EYS: variants seen among roughly 807,000 people sequenced by gnomAD.
EYS encodes the protein EGF-like photoreceptor maintenance factor.
EYS carries 250 observed loss-of-function variants against 282.1 expected under a neutral mutation model. The ratio of observed to expected loss-of-function variants is 0.89; its 90% CI spans 0.80 to 0.98. The LOEUF is 0.98. EYS is among the 50% of genes least tolerant of loss of function. The pLI, the probability that EYS is intolerant of heterozygous loss-of-function variation, is 0.00. For synonymous variants in EYS, 1,355 were observed against 1,282.9 expected, an observed-to-expected ratio of 1.06 and a Z score of -1.20; for missense variants, 4,016 against 3,709.0, an observed-to-expected ratio of 1.08 and a Z score of -2.15.
At chr6:63,911,462 A>T (rs1365681066) in intron 35 of EYS, among the ~76,000 whole-genome samples, 2 of 152,170 alleles carry the variant, frequency 1.3e-5, no homozygotes, top group African/African-American at 4.8e-5. Flanking sequence ...CCAAGAACAG[A>T]TTGGTTCTGT....
In EYS at chr6:65,494,845, C is replaced by G; in HGVS notation, c.566G>C (p.Cys189Ser). 6.2e-7 allele frequency: 1 copy of G among 1,614,130 alleles called. No homozygotes were observed. The highest frequency in any genetic ancestry group is 8.5e-7 in the Non-Finnish European group (1 of 1,180,012). ...SSEFCSGHGK[C>S]LSEAWSKTYS... Reference sequence around the variant, plus strand: ...TGTCTTGCTCCAAGCTTCACTAAGACATTTACCATGACCAGAGCAAAATTC... The same window carrying G: ...TGTCTTGCTCCAAGCTTCACTAAGAGATTTACCATGACCAGAGCAAAATTC... The change falls in exon 4 of 43, where the codon TGT (cysteine) becomes TCT (serine). Residue 189 changes from cysteine (C) to serine (S), a missense_variant. Physicochemically the swap from Cys to Ser is moderately radical, Grantham distance 112. Transcript: ENST00000503581.
chr6:65,483,107 A>G (rs1358611637), intron 5 of EYS, among the ~76,000 whole-genome samples: 1 of 152,140 alleles, frequency 6.6e-6, no homozygotes. Context: ...ATTACAATTA[A>G]GAATACATTT....
intron 2 of EYS, among the ~76,000 whole-genome samples, chr6:65,593,241 A>G (rs1249468613): frequency 1.3e-5 from 2 of 152,056 alleles, no homozygotes; most frequent in East Asian, 3.9e-4. Context: ...AGCTATCTTT[A>G]CATAGTTGAG....
At chr6:65,364,622 C>T (rs1214830609) in intron 8 of EYS, among the ~76,000 whole-genome samples, 1 of 151,414 alleles carries the variant, frequency 6.6e-6, no homozygotes, top group African/African-American at 2.4e-5. Flanking sequence ...TTTCTTATAT[C>T]TACCTTTTAT....
At chr6:64,998,790 A>C (rs1405986403) in intron 13 of EYS, among the ~76,000 whole-genome samples, 2 of 152,200 alleles carry the variant, frequency 1.3e-5, no homozygotes, top group African/African-American at 4.8e-5. Context: ...TTTTTATTTT[A>C]ACATATTAAA....
intron 5 of EYS, among the ~76,000 whole-genome samples, chr6:65,448,226 A>G (rs1398411888): frequency 6.6e-6 from 1 of 152,048 alleles, no homozygotes; most frequent in Non-Finnish European, 1.5e-5. Context: ...AGGAATTGTA[A>G]TCTCACACAT....
intron 36 of EYS, among the ~76,000 whole-genome samples, chr6:63,826,799 G>A (rs1475033628): frequency 2.1e-5 from 2 of 95,292 alleles, no homozygotes; most frequent in African/African-American, 4.1e-5. Context: ...CCTCTTTAAA[G>A]CATAAATCAC....
At position 65,083,512 on chromosome 6, in the gene EYS, T is replaced by A. The variant is rs541172836; in HGVS notation, c.2024-25785A>T. Among the ~76,000 whole-genome samples, 8 of 152,136 alleles carry A rather than the reference T, an allele frequency of 5.3e-5. No individual in the cohort carries two copies. The East Asian group carries it at 1.5e-3, about 29-fold the overall frequency. On this transcript the variant is annotated intron_variant, in intron 12 of 42. Coordinates refer to ENST00000503581, the MANE Select transcript of EYS (RefSeq NM_001142800.2). Reference sequence around the variant, plus strand: ...CAGCATATTTGTTTTGTTTCCTAGATAAATTGATTTATATTCAATGATTTG... The same window carrying A: ...CAGCATATTTGTTTTGTTTCCTAGAAAAATTGATTTATATTCAATGATTTG...
intron 35 of EYS, among the ~76,000 whole-genome samples, chr6:63,909,074 G>A (rs137919571): frequency 6.6e-5 from 10 of 152,250 alleles, no homozygotes; most frequent in African/African-American, 2.2e-4. Flanking sequence ...AGGCTGAAAA[G>A]GCCCATAGAG....
chr6:64,600,685 A>T (rs1469056804), intron 24 of EYS, among the ~76,000 whole-genome samples: 5 of 151,970 alleles, frequency 3.3e-5, no homozygotes, highest in African/African-American at 1.2e-4. Context: ...TAGGAAGGGG[A>T]CTATGTTACA....
At chr6:63,813,240 A>G (rs1052457145) in intron 36 of EYS, among the ~76,000 whole-genome samples, 2 of 152,298 alleles carry the variant, frequency 1.3e-5, no homozygotes, top group South Asian at 2.1e-4. Flanking sequence ...TTGGCCTCCC[A>G]AAGTGCTGGG....
intron 19 of EYS, among the ~76,000 whole-genome samples, chr6:64,860,179 A>G (rs1051554420): frequency 2.6e-5 from 4 of 152,160 alleles, no homozygotes; most frequent in Non-Finnish European, 5.9e-5. Context: ...TAGAGTTTGC[A>G]GTATGTATTT....
chr6:64,563,914 A>G (rs1407003270), intron 26 of EYS, among the ~76,000 whole-genome samples: 1 of 151,916 alleles, frequency 6.6e-6, no homozygotes, highest in Non-Finnish European at 1.5e-5. Flanking sequence ...AAAATTTATA[A>G]TTTTCTATTT....
At chr6:64,439,760 G>A (rs903919828) in intron 26 of EYS, among the ~76,000 whole-genome samples, 2 of 151,712 alleles carry the variant, frequency 1.3e-5, no homozygotes, top group Non-Finnish European at 3.0e-5. Context: ...ATTATTGAGA[G>A]GCATAGAAAT....
intron 22 of EYS, among the ~76,000 whole-genome samples, chr6:64,792,324 T>C (rs1365533163): frequency 6.6e-6 from 1 of 152,014 alleles, no homozygotes; most frequent in Non-Finnish European, 1.5e-5. Flanking sequence ...TTAGATCATA[T>C]ATTTACAATC....
At chr6:63,816,613 G>A (rs1392352053) in intron 36 of EYS, among the ~76,000 whole-genome samples, 1 of 152,166 alleles carries the variant, frequency 6.6e-6, no homozygotes, top group Non-Finnish European at 1.5e-5. Context: ...TTCTATGACT[G>A]GGGACAGCTG....
rs545927257 is a variant in EYS, at chr6:65,065,187, G to A, written c.2024-7460C>T. Among the ~76,000 whole-genome samples the A allele has an allele frequency of 7.2e-5, 11 of 151,996 alleles. No individual in the cohort carries two copies. The South Asian group carries it at 2.3e-3, about 32-fold the overall frequency. Reference sequence around the variant, plus strand: ...TTAATAGGCATGTATTAAAATTTGGGGTGACATAATAAAATCATCACAGGA... The same window carrying A: ...TTAATAGGCATGTATTAAAATTTGGAGTGACATAATAAAATCATCACAGGA... On this transcript the variant is annotated intron_variant, in intron 12 of 42. Transcript: ENST00000503581.
At chr6:64,701,150 G>A (rs570648490) in intron 22 of EYS, among the ~76,000 whole-genome samples, 1 of 152,168 alleles carries the variant, frequency 6.6e-6, no homozygotes, top group African/African-American at 2.4e-5. Context: ...AATGGTGCTG[G>A]CCGAACTGGA....
chr6:64,487,364 GA>G (rs1297397532), intron 26 of EYS, among the ~76,000 whole-genome samples: 1 of 151,000 alleles, frequency 6.6e-6, no homozygotes, highest in African/African-American at 2.4e-5. Context: ...AAAAACAGCT[GA>G]AAAATGGTAA....
Sources: allele counts gnomAD v4.1 joint callset (sites outside exome capture counted in the v4.1 genomes callset), GRCh38; gene constraint gnomAD v4.1.1; transcripts MANE v1.5; gene names NCBI Gene and HGNC (gene_info 2026-07-23, HGNC 2026-07-21).